The following SAMD3 variants were observed in gnomAD, a reference collection of about 807,000 sequenced individuals.
SAMD3 encodes the protein sterile alpha motif domain containing 3.
A neutral mutation model predicts 58.5 loss-of-function variants in SAMD3; 63 were observed. The observed-to-expected ratio is 1.08, with a 90% CI of 0.88 to 1.33. The LOEUF (loss-of-function observed/expected upper bound fraction) is 1.33. Ranked by LOEUF, SAMD3 falls within the 40% of genes most tolerant of loss-of-function variation. The pLI, the probability that SAMD3 is intolerant of heterozygous loss-of-function variation, is 0.00. For missense variants in SAMD3, 604 were observed against 608.4 expected, an observed-to-expected ratio of 0.99 and a Z score of 0.08; for synonymous variants, 220 against 210.3, an observed-to-expected ratio of 1.05 and a Z score of -0.40.
intron 1 of SAMD3, among the ~76,000 whole-genome samples, chr6:130,322,152 C>T (rs1031494396): frequency 1.3e-5 from 2 of 152,080 alleles, no homozygotes; most frequent in Middle Eastern, 3.2e-3. Flanking sequence ...AGCGAGGCAT[C>T]CAAAGGGGCC....
At chr6:130,200,083 T>C (rs1187681494) in intron 5 of SAMD3, among the ~76,000 whole-genome samples, 1 of 152,038 alleles carries the variant, frequency 6.6e-6, no homozygotes, top group Non-Finnish European at 1.5e-5. Context: ...TTTGGGGCCC[T>C]AATTCATCAA....
chr6:130,248,359 C>G (rs71572917), intron 2 of SAMD3, among the ~76,000 whole-genome samples: 3 of 152,148 alleles, frequency 2.0e-5, no homozygotes, highest in Admixed American at 2.0e-4. Context: ...AACCATGCTG[C>G]AGGGAGCAGT....
At chr6:130,181,227 A>G (rs1213675768) in intron 7 of SAMD3, among the ~76,000 whole-genome samples, 3 of 152,112 alleles carry the variant, frequency 2.0e-5, no homozygotes, top group Admixed American at 6.5e-5. Context: ...GATTATAGGC[A>G]TGAGCCACCG....
chr6:130,180,932 CTTT>C (rs1792250108), intron 7 of SAMD3, among the ~76,000 whole-genome samples: 1 of 104,404 alleles, frequency 9.6e-6, no homozygotes, highest in Non-Finnish European at 2.0e-5. Flanking sequence ...CTTTTCTTTT[CTTT>C]TTTCTTTTTC....
At chr6:130,314,872 T>G (rs1776307391) in intron 1 of SAMD3, among the ~76,000 whole-genome samples, 1 of 152,196 alleles carries the variant, frequency 6.6e-6, no homozygotes, top group South Asian at 2.1e-4. Context: ...CATGCAATTT[T>G]GAAAAATGCC....
intron 2 of SAMD3, among the ~76,000 whole-genome samples, chr6:130,275,123 T>C (rs1023980851): frequency 6.6e-6 from 1 of 152,160 alleles, no homozygotes; most frequent in Non-Finnish European, 1.5e-5. Context: ...ACACTGCTCA[T>C]AAATGCCTTA....
At chr6:130,308,373 C>CTATTCTATTCTATTCTATTCTATTCTATT (rs1775992980) in intron 2 of SAMD3, among the ~76,000 whole-genome samples, 5 of 117,330 alleles carry the variant, frequency 4.3e-5, no homozygotes, top group African/African-American at 1.6e-4. Context: ...CTATTCTATT[C>CTATTCTATTCTATTCTATTCTATTCTATT]TATTCTATTC....
chr6:130,225,751 T>C (rs1298328940), upstream of SAMD3, among the ~76,000 whole-genome samples: 1 of 152,188 alleles, frequency 6.6e-6, no homozygotes, highest in East Asian at 1.9e-4. Flanking sequence ...TATTAGGTCA[T>C]CCAAAAAGCT....
In SAMD3 at chr6:130,153,509, T is replaced by C. The variant is rs560450168; in HGVS notation, c.1023+1316A>G. On this transcript the variant is annotated intron_variant, in intron 9 of 11. Transcript: ENST00000439090. ...ATACATAGAATTTCTCCATGAAATATGTTCTCGGGTAAAACCTTTGATGAT... is the reference window on the plus strand; with the variant it reads ...ATACATAGAATTTCTCCATGAAATACGTTCTCGGGTAAAACCTTTGATGAT... Among the ~76,000 whole-genome samples the C allele has an allele frequency of 1.6e-4, 25 of 151,972 alleles. 2 individuals carry two copies. The highest frequency in any genetic ancestry group is 6.2e-4 in the South Asian group (3 of 4,802).
chr6:130,333,042 T>TGC (rs1481906002), intron 1 of SAMD3, among the ~76,000 whole-genome samples: 1 of 107,982 alleles, frequency 9.3e-6, no homozygotes, highest in Non-Finnish European at 1.7e-5. Context: ...CAGTTGAGTA[T>TGC]GCGTGTGTGT....
At chr6:130,334,104 G>A (rs1224889978) in intron 1 of SAMD3, among the ~76,000 whole-genome samples, 3 of 151,922 alleles carry the variant, frequency 2.0e-5, no homozygotes, top group Non-Finnish European at 2.9e-5. Context: ...TAATAATATC[G>A]GGGAGCATAG....
chr6:130,152,880 A>G (rs1004284496), intron 9 of SAMD3, among the ~76,000 whole-genome samples: 2 of 152,162 alleles, frequency 1.3e-5, no homozygotes, highest in African/African-American at 2.4e-5. Flanking sequence ...TCTGCTCCTC[A>G]CATAAGCTAT....
intron 2 of SAMD3, among the ~76,000 whole-genome samples, chr6:130,229,680 A>G (rs117701210): frequency 0.025 from 3,816 of 152,278 alleles, 68 homozygotes; most frequent in Non-Finnish European, 0.039. Flanking sequence ...AATAAAATTG[A>G]TTACAGACCT....
intron 1 of SAMD3, among the ~76,000 whole-genome samples, chr6:130,319,642 G>C (rs966366263): frequency 2.0e-5 from 3 of 152,048 alleles, no homozygotes; most frequent in Non-Finnish European, 4.4e-5. Flanking sequence ...AGTCTTTCAA[G>C]CATAAGGCAA....
chr6:130,322,809 T>C (rs1776630031), intron 1 of SAMD3, among the ~76,000 whole-genome samples: 3 of 152,242 alleles, frequency 2.0e-5, no homozygotes, highest in African/African-American at 7.2e-5. Context: ...ATCCTAAATT[T>C]GAGTTTACTT....
chr6:130,178,458 C>T (rs1249063546), intron 7 of SAMD3, among the ~76,000 whole-genome samples: 5 of 151,772 alleles, frequency 3.3e-5, no homozygotes, highest in South Asian at 2.1e-4. Flanking sequence ...AGTGGTAAGT[C>T]GCCAAATGGC....
chr6:130,300,538 GAAGC>G (rs4053171), intron 2 of SAMD3, among the ~76,000 whole-genome samples: 25,563 of 152,046 alleles, frequency 0.17, 2,382 homozygotes, highest in East Asian at 0.36. Context: ...GCAAAAGCTT[GAAGC>G]AAGCATTCCC....
intron 1 of SAMD3, among the ~76,000 whole-genome samples, chr6:130,318,913 T>C (rs1049190713): frequency 2.2e-4 from 33 of 152,274 alleles, no homozygotes; most frequent in Middle Eastern, 3.4e-3. Flanking sequence ...CATATATTTA[T>C]GGAGCTAGAG....
chr6:130,308,439 T>TATTCTATTC (rs1562513320), intron 2 of SAMD3, among the ~76,000 whole-genome samples: 3 of 148,646 alleles, frequency 2.0e-5, no homozygotes, highest in African/African-American at 2.5e-5. Context: ...TATTCTATTC[T>TATTCTATTC]TTTGTGTGTG....
Sources: gnomAD v4.1 joint callset for allele counts (sites outside exome capture counted in the v4.1 genomes callset) on GRCh38, gnomAD v4.1.1 for gene constraint, MANE v1.5 for transcripts, NCBI Gene and HGNC (gene_info 2026-07-23, HGNC 2026-07-21) for gene names.